Variants in CMSS1 observed in about 807,000 individuals in gnomAD.
CMSS1 encodes the protein cms1 ribosomal small subunit homolog.
A neutral mutation model predicts 43.5 loss-of-function variants in CMSS1; 33 were observed. That is an observed-to-expected ratio of 0.76 (90% CI 0.57 to 1.01). The LOEUF (loss-of-function observed/expected upper bound fraction) is 1.01, where lower values mean the gene tolerates loss of function less well. Among genes scored for constraint, CMSS1 ranks in the 50% least tolerant of loss-of-function variants. The pLI, the probability that CMSS1 is intolerant of heterozygous loss-of-function variation, is 0.00. For missense variants in CMSS1, 313 were observed against 326.4 expected, an observed-to-expected ratio of 0.96 and a Z score of 0.32; for synonymous variants, 115 against 117.2, an observed-to-expected ratio of 0.98 and a Z score of 0.12.
intron 1 of CMSS1, among the ~76,000 whole-genome samples, chr3:99,868,129 C>T (rs2107574469): frequency 6.6e-6 from 1 of 152,278 alleles, no homozygotes; most frequent in Non-Finnish European, 1.5e-5. Context: ...AAGCCTTTTG[C>T]AGTCACCAGC....
At chr3:99,924,516 G>A (rs1707227785) in intron 1 of CMSS1, 2 of 1,186,302 alleles carry the variant, frequency 1.7e-6, no homozygotes, top group Admixed American at 4.5e-5. Flanking sequence ...GGGTTTTTTT[G>A]GTTTTTTGTT....
At chr3:100,152,605 G>A (rs1218211358) in intron 2 of CMSS1, among the ~76,000 whole-genome samples, 1 of 152,122 alleles carries the variant, frequency 6.6e-6, no homozygotes, top group Non-Finnish European at 1.5e-5. Context: ...AGGTCTTCAC[G>A]AATGGTTTTA....
intron 1 of CMSS1, among the ~76,000 whole-genome samples, chr3:99,998,031 G>A (rs1399986666): frequency 1.3e-5 from 2 of 152,200 alleles, no homozygotes; most frequent in African/African-American, 2.4e-5. Flanking sequence ...AACTGGTGTG[G>A]AAAACTTGTG....
chr3:100,144,546 A>G (rs2066831584), intron 1 of CMSS1, among the ~76,000 whole-genome samples: 2 of 152,128 alleles, frequency 1.3e-5, no homozygotes, highest in Admixed American at 6.5e-5. Context: ...CTGGTAGGAG[A>G]TGGAGCCTTC....
intron 1 of CMSS1, among the ~76,000 whole-genome samples, chr3:99,836,940 A>G (rs1942924096): frequency 6.6e-6 from 1 of 152,204 alleles, no homozygotes; most frequent in South Asian, 2.1e-4. Flanking sequence ...TAGCCTCCCT[A>G]AAGCGTATTT....
intron 1 of CMSS1, among the ~76,000 whole-genome samples, chr3:100,103,171 G>A (rs529078875): frequency 6.6e-6 from 1 of 152,258 alleles, no homozygotes. Context: ...TAGGAAACTG[G>A]TGATTTGAAG....
chr3:99,839,620 T>G (rs1457500791), intron 1 of CMSS1, among the ~76,000 whole-genome samples: 1 of 152,136 alleles, frequency 6.6e-6, no homozygotes, highest in African/African-American at 2.4e-5. Flanking sequence ...CAAGGGCACA[T>G]GAAAAATGGA....
At chr3:100,033,043 A>G (rs2065045620) in intron 1 of CMSS1, among the ~76,000 whole-genome samples, 1 of 151,956 alleles carries the variant, frequency 6.6e-6, no homozygotes, top group Non-Finnish European at 1.5e-5. Flanking sequence ...TACTGTTACC[A>G]TTGATGAGAC....
intron 1 of CMSS1, among the ~76,000 whole-genome samples, chr3:100,042,938 A>AATG (rs1230125499): frequency 6.6e-6 from 1 of 152,254 alleles, no homozygotes; most frequent in Admixed American, 6.5e-5. Context: ...ATCATGGAAA[A>AATG]ATGTAAAGTC....
rs202133468 is a variant in CMSS1 at position 100,160,441 on chromosome 3, T to A, written c.165T>A (p.Cys55Ter). 6.7e-7 allele frequency: 1 copy of A among 1,489,668 alleles called. No homozygotes were observed. The highest frequency in any genetic ancestry group is 9.3e-7 in the Non-Finnish European group (1 of 1,071,600). The allele number at this position is 1,489,668 out of a possible 1,614,324, so 92.3% of individuals were successfully genotyped here. ...GTATTTCTTAATAGCCTAAAGAATG[T>A]TTTTTGATACAACCAAAGGAAAGAA... is the stretch of plus-strand genomic sequence containing the variant. ...PSEKTKQPKECFLIQPKERKE... is the reference protein window; with the variant it reads ...PSEKTKQPKE Residue 55 changes from cysteine to a stop codon, truncating the protein, a stop_gained, in exon 3 of 10, where the codon TGT becomes TGA. Coordinates refer to ENST00000421999, the MANE Select transcript of CMSS1 (RefSeq NM_032359.4). LOFTEE classifies it high-confidence loss of function.
intron 5 of CMSS1, among the ~76,000 whole-genome samples, chr3:100,167,395 A>T (rs1325793579): frequency 6.6e-6 from 1 of 152,232 alleles, no homozygotes; most frequent in African/African-American, 2.4e-5. Flanking sequence ...AAAATTTAAC[A>T]TGATTGAATC....
At chr3:100,147,091 T>C (rs746253496) in intron 2 of CMSS1, 30 bp downstream of exon 2, 8 of 1,611,104 alleles carry the variant, frequency 5.0e-6, no homozygotes, top group Non-Finnish European at 5.9e-6. Flanking sequence ...GAGCCACCAC[T>C]GTTAAATTCT....
rs988596295 is a variant in CMSS1, at chr3:100,095,724, G to A, written c.65-51249G>A. Among the ~76,000 whole-genome samples, 20 of 152,164 alleles carry A rather than the reference G, an allele frequency of 1.3e-4. No individual in the cohort carries two copies. In the East Asian group the frequency reaches 3.9e-3, roughly 29 times the overall value. On this transcript the variant is annotated intron_variant, in intron 1 of 9. Coordinates refer to ENST00000421999, the MANE Select transcript of CMSS1 (RefSeq NM_032359.4). ...ACATTGGTCTGGGTAAAAATTTATTGAACAATACCCCACCAGCACAGGCAA... is the reference window on the plus strand; with the variant it reads ...ACATTGGTCTGGGTAAAAATTTATTAAACAATACCCCACCAGCACAGGCAA...
chr3:99,885,220 C>A (rs1379309098), intron 1 of CMSS1, among the ~76,000 whole-genome samples: 1 of 152,186 alleles, frequency 6.6e-6, no homozygotes, highest in African/African-American at 2.4e-5. Context: ...GCTATTATTG[C>A]CCTAGTAATA....
At chr3:100,011,037 G>A (rs79429191) in intron 1 of CMSS1, among the ~76,000 whole-genome samples, 11 of 152,192 alleles carry the variant, frequency 7.2e-5, no homozygotes, top group African/African-American at 2.4e-4. Context: ...TACAAACCCA[G>A]GATTCTGTGG....
intron 1 of CMSS1, among the ~76,000 whole-genome samples, chr3:100,101,292 A>G (rs995828133): frequency 4.6e-5 from 7 of 152,186 alleles, no homozygotes; most frequent in African/African-American, 1.7e-4. Context: ...CCCACTGCCT[A>G]TGAGGAGAGG....
intron 1 of CMSS1, among the ~76,000 whole-genome samples, chr3:99,998,967 A>G (rs866764354): frequency 2.6e-5 from 4 of 152,192 alleles, no homozygotes; most frequent in South Asian, 2.1e-4. Context: ...ACCCAGAGAA[A>G]ACCTCCACCA....
intron 1 of CMSS1, among the ~76,000 whole-genome samples, chr3:99,913,505 T>C (rs915606946): frequency 1.3e-5 from 2 of 152,170 alleles, no homozygotes; most frequent in African/African-American, 4.8e-5. Flanking sequence ...GAATGTTTAA[T>C]AGGAAATAAA....
chr3:100,165,542 A>T lies in CMSS1; in HGVS notation c.356-793A>T, dbSNP rs891115708. On this transcript the variant is annotated intron_variant, in intron 4 of 9. Coordinates refer to ENST00000421999, the MANE Select transcript of CMSS1 (RefSeq NM_032359.4). ...TTCGTTCTGTTTCTTTCTTCACTTG[A>T]CACTTTTTCCAGATATGACTAAGTA... Among the ~76,000 whole-genome samples, 12 of 152,074 alleles carry T rather than the reference A, an allele frequency of 7.9e-5. No individual in the cohort carries two copies. The South Asian group carries it at 1.0e-3, about 13-fold the overall frequency.
Sources: gnomAD v4.1 joint callset for allele counts (sites outside exome capture counted in the v4.1 genomes callset) on GRCh38, gnomAD v4.1.1 for gene constraint, MANE v1.5 for transcripts, NCBI Gene and HGNC (gene_info 2026-07-23, HGNC 2026-07-21) for gene names.